SMAD4: variants seen among roughly 807,000 people sequenced by gnomAD.
SMAD4 encodes the protein SMAD family member 4.
SMAD4 carries 7 observed loss-of-function variants against 63.2 expected under a neutral mutation model. The observed-to-expected ratio is 0.11, with a 90% confidence interval of 0.06 to 0.21. The LOEUF is 0.21. Ranked by LOEUF, SMAD4 falls within the 10% of genes least tolerant of loss-of-function variation. The probability of loss-of-function intolerance (pLI) is 1.00; values close to 1 mark genes in which losing one functional copy is unlikely to be tolerated. For synonymous variants in SMAD4, 215 were observed against 235.4 expected, an observed-to-expected ratio of 0.91 and a Z score of 0.79; for missense variants, 312 against 693.8, an observed-to-expected ratio of 0.45 and a Z score of 6.18.
chr18:51,075,954 G>A (rs769320302), intron 10 of SMAD4, among the ~76,000 whole-genome samples: 9 of 152,004 alleles, frequency 5.9e-5, no homozygotes, highest in Admixed American at 2.0e-4. Flanking sequence ...ATTTAAAACT[G>A]GGCCTTTTTT....
At position 51,079,047 on chromosome 18, in the gene SMAD4, A is replaced by G. The variant is rs1421486746; in HGVS notation, c.*580A>G. Reference sequence around the variant, plus strand: ...TTTTTTGCAAGTTATATTAGTGAAGATGGTTTCAATTCAGATTGTCTTGCA... The same window carrying G: ...TTTTTTGCAAGTTATATTAGTGAAGGTGGTTTCAATTCAGATTGTCTTGCA... On this transcript the variant is annotated 3_prime_UTR_variant, in exon 12 of 12. Coordinates refer to ENST00000342988, the MANE Select transcript of SMAD4 (RefSeq NM_005359.6). The G allele has an allele frequency of 3.0e-5, 7 of 233,276 alleles. No individual in the cohort carries two copies. The East Asian group carries it at 3.6e-4, about 12-fold the overall frequency. 14.5% of individuals were successfully genotyped at this position (233,276 alleles called of 1,614,324 possible). A position where few individuals can be genotyped will look rare whatever the true frequency, so the allele number is the denominator to read the frequency against.
intron 1 of SMAD4, among the ~76,000 whole-genome samples, chr18:51,040,550 AAGT>A (rs1160779566): frequency 6.6e-6 from 1 of 152,134 alleles, no homozygotes; most frequent in African/African-American, 2.4e-5. Flanking sequence ...GTTAATTCAA[AAGT>A]AAACTAACAT....
In SMAD4 at chr18:51,046,437, G is replaced by T. The variant is rs200570436; in HGVS notation, c.-127-483G>T. 7.5e-3 allele frequency among the ~76,000 whole-genome samples: 1,065 copies of T among 141,100 alleles called. 7 individuals are homozygous for T. The highest frequency in any genetic ancestry group is 0.012 in the Non-Finnish European group (766 of 64,952). The allele number at this position is 141,100 out of a possible 152,430, so 92.6% of individuals were successfully genotyped here. On this transcript the variant is annotated intron_variant, in intron 1 of 11. Transcript: ENST00000342988. ...TCCTTTTGTTCATTTCTAAATTGGG[G>T]TTTTTTTTTTTTTTTAATTGGTCTC...
chr18:51,046,062 C>T (rs545436832), intron 1 of SMAD4, among the ~76,000 whole-genome samples: 10 of 152,108 alleles, frequency 6.6e-5, no homozygotes, highest in East Asian at 1.9e-4. Context: ...TTATGAACAA[C>T]GCTGCTATGA....
intron 10 of SMAD4, among the ~76,000 whole-genome samples, chr18:51,076,380 G>A (rs531758347): frequency 3.9e-5 from 6 of 152,176 alleles, no homozygotes; most frequent in African/African-American, 1.2e-4. Context: ...GACCCACTTC[G>A]AACTAGATAA....
intron 10 of SMAD4, among the ~76,000 whole-genome samples, chr18:51,068,686 A>G (rs987117994): frequency 1.3e-5 from 2 of 152,182 alleles, no homozygotes; most frequent in Non-Finnish European, 2.9e-5. Flanking sequence ...TCGGAGGCCA[A>G]GGTTGGAGGA....
chr18:51,062,583 T>C (rs1910042026), intron 8 of SMAD4, among the ~76,000 whole-genome samples: 1 of 152,064 alleles, frequency 6.6e-6, no homozygotes, highest in Admixed American at 6.5e-5. Flanking sequence ...CACTGCAACC[T>C]CCACCTCCAG....
intron 5 of SMAD4, among the ~76,000 whole-genome samples, chr18:51,056,177 G>T (rs1457401608): frequency 6.6e-6 from 1 of 152,118 alleles, no homozygotes; most frequent in Non-Finnish European, 1.5e-5. Flanking sequence ...CAAACAGTGG[G>T]TAGTGATAGA....
chr18:51,039,329 T>C (rs1227884160), intron 1 of SMAD4, among the ~76,000 whole-genome samples: 2 of 152,196 alleles, frequency 1.3e-5, no homozygotes, highest in Non-Finnish European at 2.9e-5. Flanking sequence ...GGGAATTCAT[T>C]GGCTTGGTCT....
In SMAD4 at chr18:51,031,484, T is replaced by C. The variant is rs112190235; in HGVS notation, c.-128+861T>C. The stretch of plus-strand genomic sequence containing the variant: ...AAACACATTTATTTCCCAATTAGTT[T>C]CTTAATGCATTTAGTTTTTGCACCG... On this transcript the variant is annotated intron_variant, in intron 1 of 11. Transcript: ENST00000342988. Among the ~76,000 whole-genome samples, 1,168 of 152,358 alleles carry C rather than the reference T, an allele frequency of 7.7e-3. 17 individuals carry two copies. Among genetic ancestry groups the C allele is most frequent in the African/African-American group, 0.026 (1,099 of 41,588 alleles).
At chr18:51,031,912 ACT>A (rs1003883914) in intron 1 of SMAD4, among the ~76,000 whole-genome samples, 4 of 152,078 alleles carry the variant, frequency 2.6e-5, no homozygotes, top group Non-Finnish European at 4.4e-5. Context: ...CTAAGGACTT[ACT>A]CTCTCTATAT....
chr18:51,034,947 G>A (rs1355405935), intron 1 of SMAD4, among the ~76,000 whole-genome samples: 1 of 152,232 alleles, frequency 6.6e-6, no homozygotes, highest in Non-Finnish European at 1.5e-5. Context: ...GGTTGGTCTA[G>A]GGTGCAGCCA....
chr18:51,054,898 C>T lies in SMAD4; in HGVS notation c.572C>T (p.Ser191Leu), dbSNP rs752575871. 5 of 1,614,060 alleles carry T rather than the reference C, an allele frequency of 3.1e-6. No individual in the cohort carries two copies. The highest frequency in any genetic ancestry group is 2.2e-5 in the South Asian group (2 of 91,076). Residue 191 changes from serine (S) to leucine (L), a missense_variant, in exon 5 of 12, where the codon TCG becomes TTG. Ser to Leu is a moderately radical substitution (Grantham distance 145, BLOSUM62 -2). Coordinates refer to ENST00000342988, the MANE Select transcript of SMAD4 (RefSeq NM_005359.6). ...TIQHPPSNRA[S>L]TETYSTPALL... is the part of the protein sequence containing the mutation. ...CAGCATCCACCAAGTAATCGTGCAT[C>T]GACAGAGACATACAGCACCCCAGCT... is the stretch of plus-strand genomic sequence containing the variant.
rs1158590714 is a variant in SMAD4 at position 51,049,518 on chromosome 18, GCT to G, written c.454+197_454+198del. 3 of 569,134 alleles carry G rather than the reference GCT, an allele frequency of 5.3e-6. No homozygotes were observed. The South Asian group carries it at 7.2e-5, about 14-fold the overall frequency. The allele number at this position is 569,134 out of a possible 1,614,324, so 35.3% of individuals were successfully genotyped here. On this transcript the variant is annotated intron_variant, in intron 4 of 11. Transcript: ENST00000342988. The stretch of plus-strand genomic sequence containing the variant: ...TAAAACTGGATTTAAATTGGCTATT[GCT>G]CTTTGTATTTGAACTGCAATTTATG...
intron 11 of SMAD4, chr18:51,077,165 A>AT (rs879683580): frequency 4.0e-4 from 62 of 153,698 alleles, no homozygotes; most frequent in Non-Finnish European, 7.5e-4. Context: ...CACTTTTCCA[A>AT]TTTTTTTTTT....
chr18:51,039,276 TC>T (rs1248347847), intron 1 of SMAD4, among the ~76,000 whole-genome samples: 1 of 152,212 alleles, frequency 6.6e-6, no homozygotes, highest in Admixed American at 6.5e-5. Flanking sequence ...CAGTTTCTGT[TC>T]AGTTATCAGG....
chr18:51,077,235 C>CT, intron 11 of SMAD4: 4 of 192,546 alleles, frequency 2.1e-5, no homozygotes, highest in Non-Finnish European at 2.9e-5. Context: ...AACTTGTAGA[C>CT]TTTTTTTTAA....
intron 11 of SMAD4, 86 bp from the exon 12 acceptor site, chr18:51,078,170 G>T: frequency 9.1e-7 from 1 of 1,096,406 alleles, no homozygotes. Context: ...AATACAGAAA[G>T]CTGGTCACTT....
At chr18:51,031,033 C>T (rs1909034316) in intron 1 of SMAD4, among the ~76,000 whole-genome samples, 1 of 152,172 alleles carries the variant, frequency 6.6e-6, no homozygotes, top group Non-Finnish European at 1.5e-5. Flanking sequence ...TTTCTCCAGC[C>T]AATTTCTGTT....
Sources: gnomAD v4.1 joint callset for allele counts (sites outside exome capture counted in the v4.1 genomes callset) on GRCh38, gnomAD v4.1.1 for gene constraint, MANE v1.5 for transcripts, NCBI Gene and HGNC (gene_info 2026-07-23, HGNC 2026-07-21) for gene names.